The following CSMD1 variants were observed in gnomAD, a reference collection of about 807,000 sequenced individuals.
CSMD1 encodes CUB and sushi domain-containing protein 1.
CSMD1 carries 213 observed loss-of-function variants against 417.5 expected under a neutral mutation model. The ratio of observed to expected loss-of-function variants is 0.51; its 90% CI spans 0.46 to 0.57. The LOEUF (loss-of-function observed/expected upper bound fraction) is 0.57, where lower values mean the gene tolerates loss of function less well. Among genes scored for constraint, CSMD1 ranks in the 20% least tolerant of loss-of-function variants. CSMD1 has a pLI of 0.00. For missense variants in CSMD1, 6,923 were observed against 4,529.7 expected (o/e 1.53, Z -15.17); for synonymous variants, 2,862 against 1,736.8 (o/e 1.65, Z -16.11).
intron 18 of CSMD1, among the ~76,000 whole-genome samples, chr8:3,372,876 G>A (rs973003004): frequency 1.3e-5 from 2 of 152,120 alleles, no homozygotes; most frequent in Non-Finnish European, 2.9e-5. Flanking sequence ...TTCCATAGAG[G>A]GAACTAATGC....
chr8:3,550,794 G>A (rs1190819192), intron 10 of CSMD1, among the ~76,000 whole-genome samples: 1 of 152,216 alleles, frequency 6.6e-6, no homozygotes, highest in East Asian at 1.9e-4. Flanking sequence ...CTGGGTCACA[G>A]ACAGGCACCT....
chr8:4,835,969 G>T (rs1800452725), intron 1 of CSMD1, among the ~76,000 whole-genome samples: 1 of 151,960 alleles, frequency 6.6e-6, no homozygotes, highest in African/African-American at 2.4e-5. Flanking sequence ...AATTAATTAG[G>T]TACCTTCTAA....
At chr8:4,103,265 T>TTATATATA (rs143710123) in intron 3 of CSMD1, among the ~76,000 whole-genome samples, 18,278 of 149,904 alleles carry the variant, frequency 0.12, 1,377 homozygotes, top group African/African-American at 0.2. Context: ...TATACATACA[T>TTATATATA]TATATATATC....
intron 3 of CSMD1, among the ~76,000 whole-genome samples, chr8:4,309,742 C>A (rs151011402): frequency 7.1e-4 from 108 of 152,222 alleles, no homozygotes; most frequent in African/African-American, 2.5e-3. Flanking sequence ...TAACCTATCA[C>A]AGTCTATTGA....
At chr8:3,971,340 G>A (rs1054940794) in intron 5 of CSMD1, among the ~76,000 whole-genome samples, 2 of 152,120 alleles carry the variant, frequency 1.3e-5, no homozygotes, top group African/African-American at 2.4e-5. Context: ...CGGTTCACAT[G>A]TGTTCTCTTT....
chr8:3,747,928 GA>G (rs1439491023), intron 6 of CSMD1, among the ~76,000 whole-genome samples: 5 of 152,060 alleles, frequency 3.3e-5, no homozygotes, highest in African/African-American at 2.4e-5. Flanking sequence ...CCCAGCCCTA[GA>G]AAAAACCCTT....
intron 25 of CSMD1, among the ~76,000 whole-genome samples, chr8:3,289,614 T>G (rs959819439): frequency 1.4e-5 from 2 of 147,388 alleles, no homozygotes; most frequent in Non-Finnish European, 2.9e-5. Context: ...TTTGGCTGCA[T>G]AAATGTCTTC....
At chr8:3,207,738 G>C (rs73660613) in intron 30 of CSMD1, among the ~76,000 whole-genome samples, 3,289 of 152,254 alleles carry the variant, frequency 0.022, 116 homozygotes, top group African/African-American at 0.074. Flanking sequence ...AAAGCTGACA[G>C]AAATTTAAGC....
At chr8:4,359,055 G>A (rs1015491977) in intron 3 of CSMD1, among the ~76,000 whole-genome samples, 1 of 152,068 alleles carries the variant, frequency 6.6e-6, no homozygotes, top group South Asian at 2.1e-4. Flanking sequence ...CAATATACAT[G>A]TGATACGAAT....
At chr8:4,194,223 T>C (rs773779590) in intron 3 of CSMD1, among the ~76,000 whole-genome samples, 8 of 152,136 alleles carry the variant, frequency 5.3e-5, no homozygotes, top group African/African-American at 7.2e-5. Flanking sequence ...CGTCCAGCAA[T>C]CAACACTGCT....
intron 5 of CSMD1, among the ~76,000 whole-genome samples, chr8:3,860,100 GTT>G (rs1362439009): frequency 9.9e-5 from 15 of 152,162 alleles, no homozygotes; most frequent in Admixed American, 9.2e-4. Flanking sequence ...ACTTTAAAAA[GTT>G]TGCCTTCATA....
At chr8:4,169,895 G>C (rs1482200236) in intron 3 of CSMD1, among the ~76,000 whole-genome samples, 3 of 149,646 alleles carry the variant, frequency 2.0e-5, no homozygotes, top group Non-Finnish European at 4.4e-5. Context: ...TTTTCTATGA[G>C]TACCTGTTTC....
intron 3 of CSMD1, among the ~76,000 whole-genome samples, chr8:4,066,679 T>C (rs1312506249): frequency 6.6e-6 from 1 of 152,202 alleles, no homozygotes; most frequent in African/African-American, 2.4e-5. Flanking sequence ...AACATTTCTA[T>C]TCTATCCAAC....
intron 6 of CSMD1, among the ~76,000 whole-genome samples, chr8:3,737,807 G>A (rs569760119): frequency 3.3e-5 from 5 of 152,154 alleles, no homozygotes; most frequent in Non-Finnish European, 4.4e-5. Flanking sequence ...AATAAAAATA[G>A]CCAAGATGGT....
At chr8:4,002,075 CTGAT>C (rs541393709) in intron 4 of CSMD1, among the ~76,000 whole-genome samples, 15 of 152,080 alleles carry the variant, frequency 9.9e-5, no homozygotes, top group Middle Eastern at 3.2e-3. Flanking sequence ...TTAAGATAGT[CTGAT>C]TGATTAATTG....
intron 3 of CSMD1, among the ~76,000 whole-genome samples, chr8:4,195,545 A>G (rs1047722063): frequency 7.2e-5 from 11 of 152,198 alleles, no homozygotes; most frequent in South Asian, 2.1e-4. Flanking sequence ...AAGACTTGTG[A>G]TGTGCGTCTG....
At chr8:4,440,898 G>A (rs1321722620) in intron 2 of CSMD1, among the ~76,000 whole-genome samples, 1 of 151,356 alleles carries the variant, frequency 6.6e-6, no homozygotes, top group Non-Finnish European at 1.5e-5. Flanking sequence ...TTGGGAGACT[G>A]AGGCATGAGA....
intron 21 of CSMD1, among the ~76,000 whole-genome samples, chr8:3,356,107 T>C (rs921274628): frequency 6.6e-6 from 1 of 152,208 alleles, no homozygotes; most frequent in Admixed American, 6.5e-5. Flanking sequence ...AGACACTTAT[T>C]AGGGAGGTTA....
intron 3 of CSMD1, among the ~76,000 whole-genome samples, chr8:4,327,035 G>A (rs1799599860): frequency 6.6e-6 from 1 of 152,128 alleles, no homozygotes; most frequent in Non-Finnish European, 1.5e-5. Flanking sequence ...AAGGTCAGTG[G>A]TATGGATTCC....
Sources: gnomAD v4.1 joint callset for allele counts (sites outside exome capture counted in the v4.1 genomes callset) on GRCh38, gnomAD v4.1.1 for gene constraint, MANE v1.5 for transcripts, NCBI Gene and HGNC (gene_info 2026-07-23, HGNC 2026-07-21) for gene names.